TMC7: variants seen among roughly 807,000 people sequenced by gnomAD.
The protein encoded by TMC7 is transmembrane channel-like protein 7.
In TMC7, 54 loss-of-function variants were observed where a neutral mutation model predicts 82.9. The observed-to-expected ratio is 0.65, with a 90% CI of 0.52 to 0.82. The LOEUF is 0.82. Among genes scored for constraint, TMC7 ranks in the 40% least tolerant of loss-of-function variants. The pLI, the probability that TMC7 is intolerant of heterozygous loss-of-function variation, is 0.00. For synonymous variants in TMC7, 350 were observed against 337.9 expected, an observed-to-expected ratio of 1.04 and a Z score of -0.39; for missense variants, 820 against 901.2, an observed-to-expected ratio of 0.91 and a Z score of 1.15.
intron 13 of TMC7, 70 bp downstream of exon 13, chr16:19,051,886 C>A: frequency 1.3e-6 from 2 of 1,580,280 alleles, no homozygotes; most frequent in Non-Finnish European, 1.7e-6. Context: ...GTAAAAGCGT[C>A]CGTCATATCA....
intron 1 of TMC7, among the ~76,000 whole-genome samples, chr16:18,994,030 G>A (rs760342484): frequency 6.6e-6 from 1 of 152,056 alleles, no homozygotes; most frequent in Non-Finnish European, 1.5e-5. Flanking sequence ...TGAAGTGAAT[G>A]TCGGGTGGAT....
chr16:18,990,651 G>T (rs1439298981), intron 1 of TMC7, among the ~76,000 whole-genome samples: 1 of 152,116 alleles, frequency 6.6e-6, no homozygotes, highest in Non-Finnish European at 1.5e-5. Context: ...GATTATCGTT[G>T]GTTCTTATAG....
At chr16:18,985,656 G>T (rs2038832752) in intron 1 of TMC7, among the ~76,000 whole-genome samples, 1 of 151,446 alleles carries the variant, frequency 6.6e-6, no homozygotes, top group Admixed American at 6.6e-5. Context: ...CTATAATTGG[G>T]CCCTCTAACT....
chr16:19,000,203 C>T (rs953916846), intron 1 of TMC7, among the ~76,000 whole-genome samples: 3 of 152,192 alleles, frequency 2.0e-5, no homozygotes, highest in Admixed American at 6.5e-5. Flanking sequence ...TGGTGGCTCA[C>T]GCCTGTAATC....
intron 1 of TMC7, among the ~76,000 whole-genome samples, chr16:19,004,710 C>T (rs2039205473): frequency 6.6e-6 from 1 of 152,114 alleles, no homozygotes; most frequent in African/African-American, 2.4e-5. Flanking sequence ...TCCATGGCCC[C>T]CTGAATTTTT....
intron 1 of TMC7, among the ~76,000 whole-genome samples, chr16:18,988,987 TG>T (rs1478534883): frequency 4.0e-5 from 6 of 151,142 alleles, no homozygotes; most frequent in African/African-American, 1.5e-4. Context: ...GAGCAGAGGT[TG>T]CTTGCAGTGA....
chr16:18,986,390 G>GAA (rs1248730083), intron 1 of TMC7, among the ~76,000 whole-genome samples: 35 of 73,120 alleles, frequency 4.8e-4, no homozygotes, highest in African/African-American at 8.2e-4. Flanking sequence ...GACTCTGTCT[G>GAA]AAAAAAAAAA....
intron 1 of TMC7, 43 bp from the exon 2 acceptor site, chr16:19,009,129 G>A (rs376673330): frequency 5.5e-5 from 88 of 1,587,614 alleles, no homozygotes; most frequent in Non-Finnish European, 6.9e-5. Context: ...CTTGGCTTCC[G>A]AACTCACTGG....
At chr16:18,996,822 C>T (rs1047428336) in intron 1 of TMC7, among the ~76,000 whole-genome samples, 1 of 152,140 alleles carries the variant, frequency 6.6e-6, no homozygotes, top group Non-Finnish European at 1.5e-5. Flanking sequence ...GGCATCCCTG[C>T]GGTGATCAGA....
At chr16:19,032,629 T>C (rs1401693871) in intron 6 of TMC7, among the ~76,000 whole-genome samples, 1 of 151,704 alleles carries the variant, frequency 6.6e-6, no homozygotes, top group East Asian at 1.9e-4. Flanking sequence ...TGAAGAAGGT[T>C]TTTTGTTTTT....
intron 2 of TMC7, among the ~76,000 whole-genome samples, chr16:19,015,070 TCTC>T (rs1248114645): frequency 6.6e-6 from 1 of 152,026 alleles, no homozygotes; most frequent in African/African-American, 2.4e-5. Context: ...TTCAAGCGAT[TCTC>T]CTGCCTCAGC....
intron 1 of TMC7, among the ~76,000 whole-genome samples, chr16:19,004,736 C>T (rs1381157742): frequency 6.6e-6 from 1 of 152,178 alleles, no homozygotes; most frequent in African/African-American, 2.4e-5. Flanking sequence ...GTGAAGACTA[C>T]AGCTTTGGGG....
chr16:18,992,631 G>A (rs1168905841), intron 1 of TMC7, among the ~76,000 whole-genome samples: 1 of 152,150 alleles, frequency 6.6e-6, no homozygotes, highest in Non-Finnish European at 1.5e-5. Context: ...TTTGGCTTCT[G>A]TTGCCATTGC....
chr16:19,002,557 A>T (rs779297673), intron 1 of TMC7, among the ~76,000 whole-genome samples: 16 of 152,166 alleles, frequency 1.1e-4, no homozygotes, highest in Non-Finnish European at 1.9e-4. Context: ...GCCTTCTGTG[A>T]GCAAGACACC....
chr16:19,018,375 G>T (rs935620424), intron 3 of TMC7, among the ~76,000 whole-genome samples: 3 of 152,148 alleles, frequency 2.0e-5, no homozygotes, highest in Non-Finnish European at 4.4e-5. Context: ...TAGTTTTGGA[G>T]GCTCGAACAG....
chr16:18,997,345 G>A lies in TMC7; in HGVS notation c.68-11827G>A, dbSNP rs545816229. Among the ~76,000 whole-genome samples the A allele has an allele frequency of 2.6e-5, 4 of 152,256 alleles. No individual in the cohort carries two copies. The South Asian group carries it at 8.3e-4, about 32-fold the overall frequency. ...CCTGCCTTGGCCTCTCAAAGTGCTG[G>A]GATTACAGGTATGAGCCACCGTGCC... On this transcript the variant is annotated intron_variant, in intron 1 of 15. Transcript: ENST00000304381.
intron 2 of TMC7, among the ~76,000 whole-genome samples, chr16:19,015,424 G>T (rs1384036234): frequency 1.3e-5 from 2 of 152,014 alleles, no homozygotes; most frequent in African/African-American, 2.4e-5. Flanking sequence ...ACTGTGCCTG[G>T]CCCGTCATTC....
chr16:19,057,257 T>C (rs1180587251), intron 14 of TMC7, among the ~76,000 whole-genome samples: 6 of 152,172 alleles, frequency 3.9e-5, no homozygotes, highest in African/African-American at 1.4e-4. Flanking sequence ...AAAGCTAATA[T>C]ATATTGCCTA....
At position 19,015,066 on chromosome 16, in the gene TMC7, C is replaced by G. The variant is rs1596744528; in HGVS notation, c.312-1384C>G. ...GCAACCTCCGCCTTCCGGGTTCAAG[C>G]GATTCTCCTGCCTCAGCCTCCCTAG... On this transcript the variant is annotated intron_variant, in intron 2 of 15. Transcript: ENST00000304381. Among the ~76,000 whole-genome samples, 3 of 151,768 alleles carry G rather than the reference C, an allele frequency of 2.0e-5. No individual in the cohort carries two copies. In the South Asian group the frequency reaches 6.2e-4, roughly 32 times the overall value.
Sources: gnomAD v4.1 joint callset for allele counts (sites outside exome capture counted in the v4.1 genomes callset) on GRCh38, gnomAD v4.1.1 for gene constraint, MANE v1.5 for transcripts, NCBI Gene and HGNC (gene_info 2026-07-23, HGNC 2026-07-21) for gene names.